Variants in MYO9A observed in about 807,000 individuals in gnomAD.
MYO9A encodes the protein myosin IXA.
Under a neutral mutation model 293.3 loss-of-function variants are expected in MYO9A, and 103 were observed. The observed-to-expected ratio is 0.35, with a 90% confidence interval of 0.30 to 0.41. The LOEUF (loss-of-function observed/expected upper bound fraction) is 0.41, where lower values mean the gene tolerates loss of function less well. MYO9A is among the 10% of genes least tolerant of loss of function. The probability of loss-of-function intolerance (pLI) is 1.00; values close to 1 mark genes in which losing one functional copy is unlikely to be tolerated. For synonymous variants in MYO9A, 1,001 were observed against 1,035.7 expected (o/e 0.97, Z 0.64); for missense variants, 2,685 against 3,033.0 (o/e 0.89, Z 2.69).
chr15:72,074,951 C>CTTTTTTTTTT lies in MYO9A; in HGVS notation c.-71-28327_-71-28318dup, dbSNP rs750462703. Among the ~76,000 whole-genome samples the CTTTTTTTTTT allele has an allele frequency of 1.0e-3, 53 of 53,128 alleles. 8 individuals carry two copies. The highest frequency in any genetic ancestry group is 2.9e-3 in the East Asian group (4 of 1,368). 34.9% of individuals were successfully genotyped at this position (53,128 alleles called of 152,430 possible). On this transcript the variant is annotated intron_variant, in intron 1 of 41. Coordinates refer to ENST00000356056, the MANE Select transcript of MYO9A (RefSeq NM_006901.4). ...CAGTTAGAAATTTCATTTTCACTGC[C>CTTTTTTTTTT]TTTTTTTTTTTTTTTTTTTTTTTTT...
intron 32 of MYO9A, 82 bp downstream of exon 32, chr15:71,875,709 T>G (rs2056661384): frequency 1.6e-6 from 1 of 624,566 alleles, no homozygotes; most frequent in African/African-American, 1.9e-5. Context: ...CATAAATATA[T>G]CCACATATAT....
rs1433634743 is a variant in MYO9A, at chr15:72,111,030, G to A, written c.-72+6650C>T. On this transcript the variant is annotated intron_variant, in intron 1 of 41. Transcript: ENST00000356056. ...AAAAATTAGCCGGGAGTGGTGGCAGGTGCCTGTATTCCCAGCTACTCGGGA... is the reference window on the plus strand; with the variant it reads ...AAAAATTAGCCGGGAGTGGTGGCAGATGCCTGTATTCCCAGCTACTCGGGA... Among the ~76,000 whole-genome samples the A allele has an allele frequency of 2.0e-5, 3 of 151,956 alleles. No individual in the cohort carries two copies. The East Asian group carries it at 5.8e-4, about 29-fold the overall frequency.
At chr15:71,897,436 A>G (rs1366413778) in intron 25 of MYO9A, 25 bp downstream of exon 25, 11 of 1,557,704 alleles carry the variant, frequency 7.1e-6, no homozygotes, top group Non-Finnish European at 8.7e-6. Flanking sequence ...TTTCCCATTT[A>G]TACATAAATA....
At chr15:72,085,794 G>T (rs1596539541) in intron 1 of MYO9A, among the ~76,000 whole-genome samples, 3 of 152,022 alleles carry the variant, frequency 2.0e-5, no homozygotes. Flanking sequence ...CTTCGAAATG[G>T]TTTTTTGTTT....
chr15:71,885,772 T>G (rs2057000568), intron 27 of MYO9A, among the ~76,000 whole-genome samples: 1 of 152,140 alleles, frequency 6.6e-6, no homozygotes, highest in Non-Finnish European at 1.5e-5. Context: ...CAATAATTTA[T>G]CCTCCGTTTT....
At chr15:71,903,119 C>A (rs2057532289) in intron 21 of MYO9A, 56 bp from the exon 22 acceptor site, 7 of 1,367,796 alleles carry the variant, frequency 5.1e-6, no homozygotes, top group East Asian at 2.3e-5. Context: ...GTAAACAAGA[C>A]CTTAAACTAA....
At chr15:71,860,051 T>C (rs2056051056) in intron 33 of MYO9A, among the ~76,000 whole-genome samples, 1 of 152,204 alleles carries the variant, frequency 6.6e-6, no homozygotes, top group African/African-American at 2.4e-5. Flanking sequence ...TCAAAGCTGC[T>C]CATCCTGCCC....
At chr15:72,067,115 T>C (rs887700595) in intron 1 of MYO9A, among the ~76,000 whole-genome samples, 1 of 148,084 alleles carries the variant, frequency 6.8e-6, no homozygotes, top group African/African-American at 2.5e-5. Flanking sequence ...TCTTATATGA[T>C]ATAATCTATT....
At chr15:72,067,255 T>C (rs1311225444) in intron 1 of MYO9A, among the ~76,000 whole-genome samples, 1 of 151,386 alleles carries the variant, frequency 6.6e-6, no homozygotes, top group Non-Finnish European at 1.5e-5. Context: ...CTGAGAAAAG[T>C]ACAAATATTA....
chr15:71,880,637 T>A, intron 28 of MYO9A, 79 bp from the exon 29 acceptor site: 2 of 1,280,668 alleles, frequency 1.6e-6, no homozygotes, highest in Non-Finnish European at 2.2e-6. Context: ...TTTTTAAAGT[T>A]CCTTTAACAA....
chr15:72,060,791 C>G (rs889647673), intron 1 of MYO9A, among the ~76,000 whole-genome samples: 1 of 152,134 alleles, frequency 6.6e-6, no homozygotes, highest in Non-Finnish European at 1.5e-5. Context: ...CTGGGCAAGT[C>G]TTGGTGTTGT....
At chr15:72,081,996 ATT>A (rs2079560294) in intron 1 of MYO9A, among the ~76,000 whole-genome samples, 2 of 152,022 alleles carry the variant, frequency 1.3e-5, no homozygotes, top group East Asian at 3.9e-4. Flanking sequence ...TTTGCTTAGG[ATT>A]GCCTTGACTA....
At chr15:71,884,817 T>C (rs1179692966) in intron 27 of MYO9A, among the ~76,000 whole-genome samples, 3 of 152,128 alleles carry the variant, frequency 2.0e-5, no homozygotes, top group South Asian at 2.1e-4. Flanking sequence ...TTATATATGA[T>C]ATTCCTAATT....
chr15:71,911,047 C>G (rs1187434174), intron 19 of MYO9A, among the ~76,000 whole-genome samples: 3 of 152,128 alleles, frequency 2.0e-5, no homozygotes, highest in East Asian at 3.8e-4. Context: ...CTATCACCCC[C>G]AAAAAACTCC....
intron 8 of MYO9A, among the ~76,000 whole-genome samples, chr15:72,006,618 T>C (rs1049322149): frequency 2.0e-5 from 3 of 152,202 alleles, no homozygotes; most frequent in East Asian, 3.8e-4. Context: ...AGTGGACATA[T>C]GACTTCTTGC....
At chr15:71,992,749 C>T (rs1015172983) in intron 10 of MYO9A, among the ~76,000 whole-genome samples, 3 of 151,560 alleles carry the variant, frequency 2.0e-5, no homozygotes, top group African/African-American at 7.3e-5. Context: ...GATTAAATAC[C>T]TATAATCTGC....
At chr15:71,975,917 A>G (rs2076132711) in intron 12 of MYO9A, among the ~76,000 whole-genome samples, 1 of 152,188 alleles carries the variant, frequency 6.6e-6, no homozygotes, top group Non-Finnish European at 1.5e-5. Flanking sequence ...AGGGTGGTAC[A>G]CCCAGGGAGG....
chr15:72,116,460 T>C (rs945560734), intron 1 of MYO9A, among the ~76,000 whole-genome samples: 4 of 152,208 alleles, frequency 2.6e-5, no homozygotes, highest in Non-Finnish European at 5.9e-5. Flanking sequence ...AGAAGGCTGT[T>C]GTTGGTAATG....
chr15:72,090,989 TAAATAAAAAATAAAA>T (rs761287272), intron 1 of MYO9A, among the ~76,000 whole-genome samples: 1 of 150,344 alleles, frequency 6.7e-6, no homozygotes, highest in Non-Finnish European at 1.5e-5. Context: ...AAAAAATAAA[TAAATAAAAAATAAAA>T]AAATAAAAAA....
Sources: allele counts gnomAD v4.1 joint callset (sites outside exome capture counted in the v4.1 genomes callset), GRCh38; gene constraint gnomAD v4.1.1; transcripts MANE v1.5; gene names NCBI Gene and HGNC (gene_info 2026-07-23, HGNC 2026-07-21).